The following NME9 variants were observed in gnomAD, a reference collection of about 807,000 sequenced individuals.
The protein encoded by NME9 is NME/NM23 family member 9.
In NME9, 48 loss-of-function variants were observed where a neutral mutation model predicts 44.4. The observed-to-expected ratio is 1.08, with a 90% confidence interval of 0.86 to 1.37. The LOEUF is 1.37. Among genes scored for constraint, NME9 ranks in the 40% most tolerant of loss-of-function variants. The pLI, the probability that NME9 is intolerant of heterozygous loss-of-function variation, is 0.00. For synonymous variants in NME9, 139 were observed against 147.1 expected, an observed-to-expected ratio of 0.94 and a Z score of 0.40; for missense variants, 325 against 405.2, an observed-to-expected ratio of 0.80 and a Z score of 1.70.
At chr3:138,282,929 TA>T (rs1005033517) in intron 8 of NME9, among the ~76,000 whole-genome samples, 5 of 152,202 alleles carry the variant, frequency 3.3e-5, no homozygotes, top group African/African-American at 1.2e-4. Flanking sequence ...CCAAGAAATT[TA>T]AGACAGTTTC....
chr3:138,279,090 T>G (rs370267567), intron 8 of NME9, among the ~76,000 whole-genome samples: 3 of 152,234 alleles, frequency 2.0e-5, no homozygotes, highest in Non-Finnish European at 4.4e-5. Context: ...TTTGTTTTGT[T>G]CCCAATATTA....
chr3:138,329,700 T>G lies in NME9; in HGVS notation c.-365A>C, dbSNP rs1207984562. On this transcript the variant is annotated 5_prime_UTR_variant, in exon 1 of 11. Coordinates refer to ENST00000333911, the MANE Select transcript of NME9 (RefSeq NM_001349018.2). ...GGGCACAGGGTCGCCAGTCGAGGAATTCTGACAAAAAAACGACATGGGACC... is the reference window on the plus strand; with the variant it reads ...GGGCACAGGGTCGCCAGTCGAGGAAGTCTGACAAAAAAACGACATGGGACC... The G allele has an allele frequency of 8.8e-7, 1 of 1,136,078 alleles. No individual in the cohort carries two copies. The highest frequency in any genetic ancestry group is 4.8e-5 in the Admixed American group (1 of 20,798). The allele number at this position is 1,136,078 out of a possible 1,614,324, so 70.4% of individuals were successfully genotyped here.
chr3:138,268,980 T>C (rs2048533982), intron 8 of NME9, among the ~76,000 whole-genome samples: 2 of 152,144 alleles, frequency 1.3e-5, no homozygotes, highest in Admixed American at 1.3e-4. Flanking sequence ...TTTTAGGAAA[T>C]ATACATTGAA....
intron 9 of NME9, among the ~76,000 whole-genome samples, chr3:138,304,660 A>G (rs1228853997): frequency 1.3e-5 from 2 of 152,196 alleles, no homozygotes; most frequent in Non-Finnish European, 2.9e-5. Context: ...ACAGAGCAGG[A>G]AGAGGAAGCA....
intron 6 of NME9, among the ~76,000 whole-genome samples, chr3:138,312,237 A>C (rs1345479890): frequency 6.6e-6 from 1 of 152,174 alleles, no homozygotes; most frequent in Non-Finnish European, 1.5e-5. Context: ...CAAAATACCA[A>C]AGACATTCTT....
intron 8 of NME9, among the ~76,000 whole-genome samples, chr3:138,269,092 A>G (rs1560020229): frequency 2.0e-5 from 3 of 152,226 alleles, no homozygotes; most frequent in Admixed American, 2.0e-4. Flanking sequence ...GAGATGATAA[A>G]TTAACAATGG....
chr3:138,269,938 G>A, intron 8 of NME9: 1 of 614,390 alleles, frequency 1.6e-6, no homozygotes, highest in Non-Finnish European at 2.7e-6. Flanking sequence ...CTGGAATTGA[G>A]TAAGAGTGGG....
intron 8 of NME9, among the ~76,000 whole-genome samples, chr3:138,289,753 A>G (rs2050764170): frequency 6.6e-6 from 1 of 152,140 alleles, no homozygotes; most frequent in Non-Finnish European, 1.5e-5. Flanking sequence ...ACAGGAGAGC[A>G]GTGGGTCTCA....
chr3:138,279,598 A>C (rs1307037442), intron 8 of NME9, among the ~76,000 whole-genome samples: 1 of 152,142 alleles, frequency 6.6e-6, no homozygotes, highest in Non-Finnish European at 1.5e-5. Flanking sequence ...TTCTGCAAAA[A>C]TTTGTGAAGA....
At chr3:138,296,906 A>C (rs1004315656), downstream of NME9, 5 of 152,210 alleles carry the variant, frequency 3.3e-5, no homozygotes, top group Admixed American at 3.3e-4. Flanking sequence ...AGAACCAGTC[A>C]TGGAAACTTG....
At chr3:138,296,541 T>G (rs557220099), downstream of NME9, 2 of 149,454 alleles carry the variant, frequency 1.3e-5, no homozygotes, top group African/African-American at 2.5e-5. Flanking sequence ...TTTCTTTATA[T>G]AAAAAAAAAG....
exon 9 of NME9, chr3:138,262,421 A>G (rs1020680088): frequency 1.3e-5 from 15 of 1,172,936 alleles, no homozygotes; most frequent in South Asian, 1.6e-5. Context: ...TTAATAGATG[A>G]TATTTTCCCT....
chr3:138,293,257 C>T (rs1194785817), intron 8 of NME9, among the ~76,000 whole-genome samples: 3 of 152,288 alleles, frequency 2.0e-5, no homozygotes, highest in East Asian at 3.9e-4. Context: ...AGAAGAATAA[C>T]TAGGCTGGGC....
chr3:138,268,317 A>G (rs1291440033), intron 8 of NME9, among the ~76,000 whole-genome samples: 1 of 152,190 alleles, frequency 6.6e-6, no homozygotes, highest in Non-Finnish European at 1.5e-5. Flanking sequence ...CTTGGAACAA[A>G]CAGGGCAAGA....
Position 138,329,709 on chromosome 3 carries a change from A to G in NME9, c.-374T>C. The G allele has an allele frequency of 1.8e-6, 2 of 1,114,734 alleles. No homozygotes were observed. The highest frequency in any genetic ancestry group is 2.9e-5 in the South Asian group (1 of 34,510). The allele number at this position is 1,114,734 out of a possible 1,614,324, so 69.1% of individuals were successfully genotyped here. A position where few individuals can be genotyped will look rare whatever the true frequency, so the allele number is the denominator to read the frequency against. On this transcript the variant is annotated 5_prime_UTR_variant, in exon 1 of 11. Coordinates refer to ENST00000333911, the MANE Select transcript of NME9 (RefSeq NM_001349018.2). ...GTCGCCAGTCGAGGAATTCTGACAA[A>G]AAAACGACATGGGACCCTGTTATCC...
intron 3 of NME9, among the ~76,000 whole-genome samples, chr3:138,318,883 A>G (rs2053277743): frequency 6.6e-6 from 1 of 152,184 alleles, no homozygotes; most frequent in Non-Finnish European, 1.5e-5. Context: ...ATGACATTTC[A>G]GTCAACAGTG....
At chr3:138,285,986 C>A (rs1396151426) in intron 8 of NME9, among the ~76,000 whole-genome samples, 1 of 152,146 alleles carries the variant, frequency 6.6e-6, no homozygotes, top group Non-Finnish European at 1.5e-5. Flanking sequence ...ACTCTGTCAC[C>A]CAGACTAGAG....
intron 8 of NME9, among the ~76,000 whole-genome samples, chr3:138,271,909 C>A (rs546813204): frequency 4.4e-4 from 67 of 151,734 alleles, no homozygotes; most frequent in Admixed American, 2.5e-3. Flanking sequence ...GATTCTTGTG[C>A]CTCAACCTCC....
intron 2 of NME9, among the ~76,000 whole-genome samples, chr3:138,322,485 G>GGTGTGTGTGTGTGTGTGT (rs10580643): frequency 6.8e-6 from 1 of 146,330 alleles, no homozygotes; most frequent in African/African-American, 2.5e-5. Flanking sequence ...AAGAAAAAGG[G>GGTGTGTGTGTGTGTGTGT]GTGTGTGTGT....
Sources: gnomAD v4.1 joint callset for allele counts (sites outside exome capture counted in the v4.1 genomes callset) on GRCh38, gnomAD v4.1.1 for gene constraint, MANE v1.5 for transcripts, NCBI Gene and HGNC (gene_info 2026-07-23, HGNC 2026-07-21) for gene names.